The following RIOK1 variants were observed in gnomAD, a reference collection of about 807,000 sequenced individuals.
RIOK1 encodes the protein serine/threonine-protein kinase RIO1.
RIOK1 carries 66 observed loss-of-function variants against 73.5 expected under a neutral mutation model. The observed-to-expected ratio is 0.90, with a 90% confidence interval of 0.74 to 1.10. RIOK1 has a LOEUF of 1.10. RIOK1 is among the 50% of genes least tolerant of loss of function. The probability of loss-of-function intolerance (pLI) is 0.00; values close to 1 mark genes in which losing one functional copy is unlikely to be tolerated. For synonymous variants in RIOK1, 224 were observed against 226.8 expected (o/e 0.99, Z 0.11); for missense variants, 658 against 699.8 (o/e 0.94, Z 0.67).
At chr6:7,397,314 A>G (rs1761498574) in intron 4 of RIOK1, among the ~76,000 whole-genome samples, 1 of 152,240 alleles carries the variant, frequency 6.6e-6, no homozygotes, top group Non-Finnish European at 1.5e-5. Context: ...AATACATGGT[A>G]AAAGTGTAAT....
intron 2 of RIOK1, among the ~76,000 whole-genome samples, chr6:7,394,386 A>AT (rs1761419582): frequency 1.3e-5 from 2 of 152,226 alleles, no homozygotes; most frequent in African/African-American, 4.8e-5. Context: ...GTGAGCCAAG[A>AT]TCACACCACT....
Position 7,405,359 on chromosome 6 carries a change from A to C in RIOK1, c.1203+4A>C. The C allele has an allele frequency of 6.6e-7, 1 of 1,514,012 alleles. No homozygotes were observed. The highest frequency in any genetic ancestry group is 9.2e-7 in the Non-Finnish European group (1 of 1,089,634). 93.8% of individuals were successfully genotyped at this position (1,514,012 alleles called of 1,614,324 possible). On this transcript the variant is annotated splice_donor_region_variant and intron_variant, in intron 12 of 16. Coordinates refer to ENST00000379834, the MANE Select transcript of RIOK1 (RefSeq NM_031480.3). ...CATGGATGCTTATCTCTCAAAGGTA[A>C]GATGGGGAGAGGAAGGAGGAATAGG...
chr6:7,417,610 T>C lies in RIOK1; in HGVS notation c.*169T>C. On this transcript the variant is annotated 3_prime_UTR_variant, in exon 17 of 17. Transcript: ENST00000379834. The stretch of plus-strand genomic sequence containing the variant: ...TGTAACTATGTAAAAAGCTCTAAGC[T>C]CTAGAGTCTAGATCCAGTCACTGAC... The C allele has an allele frequency of 2.2e-6, 1 of 450,278 alleles. No individual in the cohort carries two copies. Among genetic ancestry groups the C allele is most frequent in the Non-Finnish European group, 4.1e-6 (1 of 246,292 alleles). 27.9% of individuals were successfully genotyped at this position (450,278 alleles called of 1,614,324 possible).
chr6:7,406,292 C>T (rs1444006163), intron 12 of RIOK1, among the ~76,000 whole-genome samples: 2 of 152,078 alleles, frequency 1.3e-5, no homozygotes, highest in Non-Finnish European at 2.9e-5. Context: ...CCACGACGCC[C>T]GGCCTCAGAG....
intron 12 of RIOK1, among the ~76,000 whole-genome samples, chr6:7,409,809 A>C (rs886399909): frequency 1.3e-5 from 2 of 151,994 alleles, no homozygotes; most frequent in African/African-American, 2.4e-5. Flanking sequence ...AAAAAAAAAA[A>C]AAAAAACCTC....
chr6:7,407,710 T>A (rs1344858185), intron 12 of RIOK1, among the ~76,000 whole-genome samples: 1 of 152,086 alleles, frequency 6.6e-6, no homozygotes, highest in South Asian at 2.1e-4. Flanking sequence ...TCCAGTCTGG[T>A]CTTAGACTCC....
chr6:7,417,205 C>T (rs1762027375), intron 16 of RIOK1, 126 bp from the exon 17 acceptor site: 1 of 541,472 alleles, frequency 1.8e-6, no homozygotes. Flanking sequence ...GAACCATGGT[C>T]ACGCCACTGA....
intron 3 of RIOK1, 44 bp from the exon 4 acceptor site, chr6:7,396,659 T>G: frequency 1.6e-6 from 2 of 1,222,766 alleles, no homozygotes; most frequent in Non-Finnish European, 1.2e-6. Context: ...TTAATGTCTT[T>G]TCGTCTTACA....
chr6:7,396,644 C>T, intron 3 of RIOK1, 59 bp from the exon 4 acceptor site: 1 of 998,180 alleles, frequency 1.0e-6, no homozygotes, highest in Non-Finnish European at 1.6e-6. Context: ...TGTTCAGCAA[C>T]TCTGTTAATG....
chr6:7,414,912 C>T (rs576355346), intron 16 of RIOK1, among the ~76,000 whole-genome samples: 1 of 152,328 alleles, frequency 6.6e-6, no homozygotes, highest in East Asian at 1.9e-4. Flanking sequence ...TCCATCCTGC[C>T]TGGAATGTGA....
intron 12 of RIOK1, among the ~76,000 whole-genome samples, chr6:7,408,240 TG>T (rs1761798235): frequency 1.3e-5 from 2 of 152,230 alleles, no homozygotes; most frequent in South Asian, 4.1e-4. Flanking sequence ...TTCACCATGT[TG>T]GCCATGGCAA....
In RIOK1 at chr6:7,402,915, G is replaced by A; in HGVS notation, c.767+18G>A. 6.2e-7 allele frequency: 1 copy of A among 1,608,498 alleles called. No homozygotes were observed. Among genetic ancestry groups the A allele is most frequent in the Non-Finnish European group, 8.5e-7 (1 of 1,175,558 alleles). Reference sequence around the variant, plus strand: ...TTAATCAGGTGACTGTCTGGGATGTGTGTATGTCTGTCCTATGCCCTGTAC... The same window carrying A: ...TTAATCAGGTGACTGTCTGGGATGTATGTATGTCTGTCCTATGCCCTGTAC... On this transcript the variant is annotated intron_variant, in intron 8 of 16. Coordinates refer to ENST00000379834, the MANE Select transcript of RIOK1 (RefSeq NM_031480.3).
rs1278547396 is a variant in RIOK1 at position 7,411,361 on chromosome 6, C to T, written c.1299C>T (p.Thr433=). Residue 433 remains threonine (T), a synonymous_variant, in exon 14 of 17, where the codon ACC becomes ACT. Coordinates refer to ENST00000379834, the MANE Select transcript of RIOK1 (RefSeq NM_031480.3). ...EVFKRAYIPR[T]LNEVKNYERD... ...TTAAGCGAGCATATATTCCTAGAACCTTGAATGAAGTGAAAAATTATGAGA... is the reference window on the plus strand; with the variant it reads ...TTAAGCGAGCATATATTCCTAGAACTTTGAATGAAGTGAAAAATTATGAGA... 1.2e-6 allele frequency: 2 copies of T among 1,613,894 alleles called. No individual in the cohort carries two copies. The highest frequency in any genetic ancestry group is 1.7e-6 in the Non-Finnish European group (2 of 1,179,924).
Position 7,395,142 on chromosome 6 carries a change from A to G in RIOK1, c.366A>G (p.Leu122=). The stretch of plus-strand genomic sequence containing the variant: ...GGAAATTTGAGAATAAAATTAATTT[A>G]GGTGAGTTTACAAAATACATCACTG... ...VLRKFENKIN[L]DKLNVTDSVI... is the part of the protein sequence containing the mutation. The change falls in exon 3 of 17, where the codon TTA becomes TTG. Residue 122 remains leucine, a splice_region_variant and synonymous_variant. Coordinates refer to ENST00000379834, the MANE Select transcript of RIOK1 (RefSeq NM_031480.3). The G allele has an allele frequency of 6.2e-7, 1 of 1,609,832 alleles. No homozygotes were observed. Among genetic ancestry groups the G allele is most frequent in the Non-Finnish European group, 8.5e-7 (1 of 1,177,700 alleles).
chr6:7,395,033 A>G lies in RIOK1; in HGVS notation c.277-20A>G. The G allele has an allele frequency of 6.2e-7, 1 of 1,613,108 alleles. No individual in the cohort carries two copies. On this transcript the variant is annotated intron_variant, in intron 2 of 16. Coordinates refer to ENST00000379834, the MANE Select transcript of RIOK1 (RefSeq NM_031480.3). ...TTTGTTTTTACAGCTAGTGCCTTAG[A>G]CTCTGGAATTCCCTTCTAGGCAAAT...
rs993824453 is a variant in RIOK1, at chr6:7,393,108, A to G, written c.81A>G (p.Arg27=). 1.9e-6 allele frequency: 3 copies of G among 1,612,948 alleles called. No homozygotes were observed. Among genetic ancestry groups the G allele is most frequent in the Non-Finnish European group, 2.5e-6 (3 of 1,179,168 alleles). Residue 27 remains arginine, a synonymous_variant, in exon 2 of 17, where the codon AGA becomes AGG. Coordinates refer to ENST00000379834, the MANE Select transcript of RIOK1 (RefSeq NM_031480.3). ...DDADSSDSEN[R]DLKTVKEKDD... is the part of the protein sequence containing the mutation. ...ACATTGTTATTTCTAGTGAAAACAG[A>G]GACTTGAAGACAGTCAAAGAGAAGG... is the stretch of plus-strand genomic sequence containing the variant.
chr6:7,397,416 T>G (rs1315743003), intron 4 of RIOK1, among the ~76,000 whole-genome samples: 3 of 152,210 alleles, frequency 2.0e-5, no homozygotes, highest in Non-Finnish European at 4.4e-5. Flanking sequence ...CCCTTAAAAT[T>G]TATTAAGAAT....
chr6:7,392,952 G>C (rs1452653131), intron 1 of RIOK1, 147 bp from the exon 2 acceptor site: 3 of 1,328,440 alleles, frequency 2.3e-6, no homozygotes, highest in Non-Finnish European at 2.9e-6. Context: ...GTTTTAAGGA[G>C]ATGGAGCTTA....
chr6:7,396,288 TTAA>T (rs1761471444), intron 3 of RIOK1, among the ~76,000 whole-genome samples: 1 of 152,232 alleles, frequency 6.6e-6, no homozygotes. Context: ...ACATGCTAAA[TTAA>T]TATAAGTATT....
Sources: allele counts gnomAD v4.1 joint callset (sites outside exome capture counted in the v4.1 genomes callset), GRCh38; gene constraint gnomAD v4.1.1; transcripts MANE v1.5; gene names NCBI Gene and HGNC (gene_info 2026-07-23, HGNC 2026-07-21).